DNAJB14: variants seen among roughly 807,000 people sequenced by gnomAD.
The protein encoded by DNAJB14 is dnaJ homolog subfamily B member 14.
DNAJB14 carries 22 observed loss-of-function variants against 48.4 expected under a neutral mutation model. That is an observed-to-expected ratio of 0.45 (90% confidence interval 0.32 to 0.65). DNAJB14 has a LOEUF of 0.65. Among genes scored for constraint, DNAJB14 ranks in the 30% least tolerant of loss-of-function variants. DNAJB14 has a pLI of 0.03. For synonymous variants in DNAJB14, 142 were observed against 158.7 expected (o/e 0.89, Z 0.79); for missense variants, 319 against 458.8 (o/e 0.70, Z 2.78).
In DNAJB14 at chr4:99,900,439, G is replaced by A. The variant is rs1211193750; in HGVS notation, c.*589C>T. On this transcript the variant is annotated 3_prime_UTR_variant, in exon 8 of 8. Transcript: ENST00000442697. ...CTCAATATATATTTTGGAATATAAC[G>A]GCAATATTAAAAATATCAATTCCCT... is the stretch of plus-strand genomic sequence containing the variant. The A allele has an allele frequency of 2.0e-5, 3 of 151,692 alleles. No individual in the cohort carries two copies. Among genetic ancestry groups the A allele is most frequent in the Non-Finnish European group, 2.9e-5 (2 of 67,822 alleles). The allele number at this position is 151,692 out of a possible 1,614,324, so 9.4% of individuals were successfully genotyped here.
intron 3 of DNAJB14, among the ~76,000 whole-genome samples, chr4:99,922,154 C>T (rs2110207881): frequency 6.6e-6 from 1 of 152,248 alleles, no homozygotes; most frequent in Admixed American, 6.5e-5. Context: ...TTATTAATTC[C>T]CAAATGTATT....
intron 7 of DNAJB14, 38 bp downstream of exon 7, chr4:99,903,688 G>T: frequency 6.3e-7 from 1 of 1,578,116 alleles, no homozygotes; most frequent in South Asian, 1.2e-5. Context: ...CAAAGACTGC[G>T]AATAAGTTTT....
intron 3 of DNAJB14, among the ~76,000 whole-genome samples, chr4:99,912,900 T>A (rs1725714842): frequency 2.0e-5 from 3 of 152,260 alleles, no homozygotes; most frequent in Admixed American, 6.5e-5. Context: ...ATAAATGTGA[T>A]AAAAGTTTTA....
chr4:99,901,340 T>C (rs1208130069), intron 7 of DNAJB14, among the ~76,000 whole-genome samples, 188 bp from the exon 8 acceptor site: 3 of 152,122 alleles, frequency 2.0e-5, no homozygotes, highest in African/African-American at 7.2e-5. Context: ...ATTTGAAGTA[T>C]AGCAGGTAAA....
intron 3 of DNAJB14, among the ~76,000 whole-genome samples, chr4:99,921,715 A>G (rs2110207533): frequency 6.6e-6 from 1 of 152,324 alleles, no homozygotes; most frequent in Non-Finnish European, 1.5e-5. Context: ...TTAGCTATTT[A>G]AAGATTTCAG....
chr4:99,940,948 TA>T (rs1450344757), intron 1 of DNAJB14, among the ~76,000 whole-genome samples: 2 of 150,800 alleles, frequency 1.3e-5, no homozygotes, highest in African/African-American at 4.9e-5. Flanking sequence ...TATATATATA[TA>T]TATTTTTTTT....
chr4:99,927,262 G>A (rs961029548), intron 2 of DNAJB14: 1 of 152,152 alleles, frequency 6.6e-6, no homozygotes, highest in African/African-American at 2.4e-5. Context: ...CATAGTTGGT[G>A]GGAGAGGAAG....
In DNAJB14 at chr4:99,908,837, T is replaced by G. The variant is rs1168451179; in HGVS notation, c.511A>C (p.Thr171Pro). The change falls in exon 4 of 8, where the codon ACG (threonine) becomes CCG (proline). Residue 171 changes from threonine to proline, a missense_variant. Physicochemically the swap from Thr to Pro is conservative, Grantham distance 38. Transcript: ENST00000442697. ...TTACATGCTTGTTCTTCATTGCCCG[T>G]GAGGTCATACTGTTTTCGCTTTTCT... ...NPEKRKQYDL[T>P]GNEEQACNHQ... 1 of 1,609,350 alleles carries G rather than the reference T, an allele frequency of 6.2e-7. No homozygotes were observed. The highest frequency in any genetic ancestry group is 8.5e-7 in the Non-Finnish European group (1 of 1,177,764).
intron 3 of DNAJB14, among the ~76,000 whole-genome samples, chr4:99,912,566 A>G (rs1234571564): frequency 1.3e-5 from 2 of 151,050 alleles, no homozygotes; most frequent in Non-Finnish European, 2.9e-5. Context: ...TGCAACCTCC[A>G]CCTCCCAGGT....
At chr4:99,903,627 C>T in intron 7 of DNAJB14, 99 bp downstream of exon 7, 17 of 1,289,750 alleles carry the variant, frequency 1.3e-5, no homozygotes, top group Non-Finnish European at 1.7e-5. Context: ...AATTATGTGC[C>T]AGGGAATTCC....
chr4:99,925,504 T>C (rs1450383397), intron 2 of DNAJB14: 2 of 152,184 alleles, frequency 1.3e-5, no homozygotes, highest in South Asian at 2.1e-4. Flanking sequence ...ATTTGGTAGA[T>C]ATTATTCCTA....
At position 99,901,000 on chromosome 4, in the gene DNAJB14, G is replaced by A. The variant is rs774530918; in HGVS notation, c.*28C>T. ...TACTTACAGAAAAAATAAAGAGTAC[G>A]CTAAAAGGTATAAATAAAAATTCCA... On this transcript the variant is annotated 3_prime_UTR_variant, in exon 8 of 8. Coordinates refer to ENST00000442697, the MANE Select transcript of DNAJB14 (RefSeq NM_001031723.4). 24 of 1,595,258 alleles carry A rather than the reference G, an allele frequency of 1.5e-5. No homozygotes were observed. The highest frequency in any genetic ancestry group is 4.5e-5 in the East Asian group (2 of 44,542).
At chr4:99,907,242 C>G (rs898506962) in intron 4 of DNAJB14, among the ~76,000 whole-genome samples, 2 of 152,140 alleles carry the variant, frequency 1.3e-5, no homozygotes, top group Non-Finnish European at 2.9e-5. Flanking sequence ...TACTTCCAGT[C>G]AAAATTACTA....
In DNAJB14 at chr4:99,896,466, A is replaced by T. The variant is rs770334844; in HGVS notation, c.*4562T>A. The stretch of plus-strand genomic sequence containing the variant: ...TTAATCCTGAATGCATTATAGACAA[A>T]GTAAGCTCTCCTTTACCAATTTCAT... On this transcript the variant is annotated 3_prime_UTR_variant, in exon 8 of 8. Transcript: ENST00000442697. 1 of 152,208 alleles carries T rather than the reference A, an allele frequency of 6.6e-6. No homozygotes were observed. The highest frequency in any genetic ancestry group is 1.5e-5 in the Non-Finnish European group (1 of 68,012). 9.4% of individuals were successfully genotyped at this position (152,208 alleles called of 1,614,324 possible).
chr4:99,945,189 C>T (rs914159167), intron 1 of DNAJB14, among the ~76,000 whole-genome samples: 2 of 152,030 alleles, frequency 1.3e-5, no homozygotes, highest in Non-Finnish European at 2.9e-5. Flanking sequence ...TAGTTAAGAC[C>T]GTAAATTTGG....
intron 5 of DNAJB14, chr4:99,906,123 A>G: frequency 7.6e-7 from 1 of 1,314,414 alleles, no homozygotes; most frequent in African/African-American, 1.5e-5. Flanking sequence ...TGCTCTTTCC[A>G]TTTACCTTTC....
intron 1 of DNAJB14, among the ~76,000 whole-genome samples, chr4:99,931,144 A>G (rs1047369527): frequency 1.3e-5 from 2 of 152,224 alleles, no homozygotes; most frequent in Non-Finnish European, 2.9e-5. Context: ...AAAGATTTTC[A>G]CTAGAGGATA....
intron 1 of DNAJB14, among the ~76,000 whole-genome samples, chr4:99,932,591 C>T (rs1478219181): frequency 6.6e-6 from 1 of 152,090 alleles, no homozygotes; most frequent in Non-Finnish European, 1.5e-5. Context: ...AAAAAATCAT[C>T]TAGTAGTTCT....
chr4:99,934,917 A>G (rs904442805), intron 1 of DNAJB14, among the ~76,000 whole-genome samples: 1 of 141,010 alleles, frequency 7.1e-6, no homozygotes, highest in South Asian at 2.2e-4. Flanking sequence ...AACTAGAAGA[A>G]ACTAGACTCA....
Sources: gnomAD v4.1 joint callset for allele counts (sites outside exome capture counted in the v4.1 genomes callset) on GRCh38, gnomAD v4.1.1 for gene constraint, MANE v1.5 for transcripts, NCBI Gene and HGNC (gene_info 2026-07-23, HGNC 2026-07-21) for gene names.